The following CYTH1 variants were observed in gnomAD, a reference collection of about 807,000 sequenced individuals.
CYTH1 encodes cytohesin 1, also known as cytohesin-1.
CYTH1 carries 18 observed loss-of-function variants against 61.8 expected under a neutral mutation model. The observed-to-expected ratio is 0.29, with a 90% CI of 0.20 to 0.43. CYTH1 has a LOEUF of 0.43. Among genes scored for constraint, CYTH1 ranks in the 20% least tolerant of loss-of-function variants. CYTH1 has a pLI of 1.00. For missense variants in CYTH1, 336 were observed against 510.5 expected, an observed-to-expected ratio of 0.66 and a Z score of 3.29; for synonymous variants, 174 against 184.3, an observed-to-expected ratio of 0.94 and a Z score of 0.45.
chr17:78,780,359 A>G (rs1472572527), intron 1 of CYTH1, among the ~76,000 whole-genome samples: 14 of 152,128 alleles, frequency 9.2e-5, no homozygotes, highest in Admixed American at 6.5e-4. Context: ...AATAAAAATA[A>G]TTAGCAGGGC....
At chr17:78,686,298 T>C (rs2092815812) in intron 11 of CYTH1, among the ~76,000 whole-genome samples, 2 of 152,272 alleles carry the variant, frequency 1.3e-5, no homozygotes, top group South Asian at 2.1e-4. Context: ...TAAGAATAAA[T>C]AAGTTATAAT....
intron 1 of CYTH1, among the ~76,000 whole-genome samples, chr17:78,731,955 G>A (rs2144599098): frequency 6.6e-6 from 1 of 152,238 alleles, no homozygotes; most frequent in East Asian, 1.9e-4. Context: ...GATTTAACCA[G>A]CAGTAAACTG....
chr17:78,724,915 C>T (rs954796629), intron 1 of CYTH1, among the ~76,000 whole-genome samples: 6 of 152,204 alleles, frequency 3.9e-5, no homozygotes, highest in African/African-American at 1.4e-4. Context: ...ATAGTGTGAA[C>T]AATTTTCTTT....
intron 1 of CYTH1, among the ~76,000 whole-genome samples, chr17:78,712,028 AAG>A (rs1278032701): frequency 6.6e-6 from 1 of 151,590 alleles, no homozygotes; most frequent in Non-Finnish European, 1.5e-5. Context: ...GCAGTGAGCC[AAG>A]ATCGCACCAC....
intron 11 of CYTH1, among the ~76,000 whole-genome samples, chr17:78,687,843 T>TGTGCTGCTAGTG (rs1048479151): frequency 6.6e-5 from 10 of 152,214 alleles, no homozygotes; most frequent in African/African-American, 2.4e-4. Context: ...GTCACTGAAA[T>TGTGCTGCTAGTG]GTGCTGCTAG....
chr17:78,734,527 G>A (rs1336544390), intron 1 of CYTH1, among the ~76,000 whole-genome samples: 1 of 136,136 alleles, frequency 7.3e-6, no homozygotes, highest in African/African-American at 2.8e-5. Context: ...CGCAACCTCA[G>A]CCTCCTGGGT....
chr17:78,734,700 A>G (rs1226898001), intron 1 of CYTH1, among the ~76,000 whole-genome samples: 2 of 152,088 alleles, frequency 1.3e-5, no homozygotes, highest in Admixed American at 1.3e-4. Flanking sequence ...TGGGCCTCCC[A>G]AAGTGCTGGG....
chr17:78,729,390 G>A (rs2093281912), intron 1 of CYTH1, among the ~76,000 whole-genome samples: 1 of 152,200 alleles, frequency 6.6e-6, no homozygotes, highest in Non-Finnish European at 1.5e-5. Context: ...TGGTCACACA[G>A]AAGAAGATGC....
intron 1 of CYTH1, among the ~76,000 whole-genome samples, chr17:78,763,060 T>C (rs2093434855): frequency 6.6e-6 from 1 of 152,132 alleles, no homozygotes; most frequent in Admixed American, 6.5e-5. Flanking sequence ...AAAAAGACTT[T>C]TGGCCAGGCA....
intron 1 of CYTH1, among the ~76,000 whole-genome samples, chr17:78,749,601 G>C (rs939722125): frequency 6.6e-6 from 1 of 151,784 alleles, no homozygotes; most frequent in Non-Finnish European, 1.5e-5. Flanking sequence ...TTATATTCCA[G>C]CCTGGGTGAC....
chr17:78,752,263 T>C (rs2144676814), intron 1 of CYTH1, among the ~76,000 whole-genome samples: 1 of 152,284 alleles, frequency 6.6e-6, no homozygotes, highest in South Asian at 2.1e-4. Context: ...AAGGGAAATG[T>C]TAGTTATTAC....
At chr17:78,781,713 G>A (rs960596224) in intron 1 of CYTH1, among the ~76,000 whole-genome samples, 1 of 152,208 alleles carries the variant, frequency 6.6e-6, no homozygotes, top group East Asian at 1.9e-4. Flanking sequence ...GGGAACGCGG[G>A]CCCGGCCATC....
At chr17:78,722,663 C>G (rs2093238923) in intron 1 of CYTH1, among the ~76,000 whole-genome samples, 5 of 152,178 alleles carry the variant, frequency 3.3e-5, no homozygotes, top group Admixed American at 3.3e-4. Context: ...TGGCTCAGAT[C>G]TGTTTGTTTG....
In CYTH1 at chr17:78,676,184, A is replaced by G. The variant is rs1302435456; in HGVS notation, c.1119-15T>C. On this transcript the variant is annotated splice_polypyrimidine_tract_variant and intron_variant, in intron 13 of 13. Coordinates refer to ENST00000446868, the MANE Select transcript of CYTH1 (RefSeq NM_004762.6). ...TGATGGCTGCTCTGGAGCACAGAAAAGGGAGAAAACAGAGACGTGAGGGAC... is the reference window on the plus strand; with the variant it reads ...TGATGGCTGCTCTGGAGCACAGAAAGGGGAGAAAACAGAGACGTGAGGGAC... 1.2e-6 allele frequency: 2 copies of G among 1,600,570 alleles called. No individual in the cohort carries two copies. Among genetic ancestry groups the G allele is most frequent in the Non-Finnish European group, 1.7e-6 (2 of 1,173,542 alleles).
chr17:78,767,464 T>C (rs1009311976), intron 1 of CYTH1, among the ~76,000 whole-genome samples: 10 of 152,164 alleles, frequency 6.6e-5, no homozygotes. Flanking sequence ...GCCTATATCT[T>C]AAAATTCTTC....
intron 1 of CYTH1, among the ~76,000 whole-genome samples, chr17:78,754,721 CT>C (rs1038840481): frequency 1.3e-5 from 2 of 151,510 alleles, no homozygotes; most frequent in African/African-American, 4.9e-5. Context: ...TTTTATGTCA[CT>C]TTTTTAAGGT....
chr17:78,772,624 G>A (rs930828141), intron 1 of CYTH1, among the ~76,000 whole-genome samples: 20 of 151,946 alleles, frequency 1.3e-4, no homozygotes, highest in Non-Finnish European at 2.4e-4. Context: ...TGCAACCTCC[G>A]CCTCCCAGGT....
intron 1 of CYTH1, among the ~76,000 whole-genome samples, chr17:78,711,737 C>A (rs1440400408): frequency 6.6e-6 from 1 of 150,838 alleles, no homozygotes; most frequent in Non-Finnish European, 1.5e-5. Context: ...AGGTTTTCCC[C>A]AACCTTCTCT....
chr17:78,724,376 A>G (rs1321192593), intron 1 of CYTH1, among the ~76,000 whole-genome samples: 2 of 152,218 alleles, frequency 1.3e-5, no homozygotes, highest in Non-Finnish European at 2.9e-5. Flanking sequence ...AAACAATTCT[A>G]AAATAACCAA....
Sources: gnomAD v4.1 joint callset for allele counts (sites outside exome capture counted in the v4.1 genomes callset) on GRCh38, gnomAD v4.1.1 for gene constraint, MANE v1.5 for transcripts, NCBI Gene and HGNC (gene_info 2026-07-23, HGNC 2026-07-21) for gene names.